CPT1C: variants seen among roughly 807,000 people sequenced by gnomAD.
CPT1C encodes palmitoyl thioesterase CPT1C.
Under a neutral mutation model 97.3 loss-of-function variants are expected in CPT1C, and 61 were observed. The ratio of observed to expected loss-of-function variants is 0.63; its 90% CI spans 0.51 to 0.78. The LOEUF is 0.78. CPT1C is among the 30% of genes least tolerant of loss of function. CPT1C has a pLI of 0.00. For synonymous variants in CPT1C, 469 were observed against 447.2 expected (o/e 1.05, Z -0.61); for missense variants, 975 against 1,065.5 (o/e 0.92, Z 1.18).
rs1245850764 is a variant in CPT1C at position 49,710,770 on chromosome 19, A to G, written c.1779A>G (p.Leu593=). ...CTTATGAGTCGGCCATGACTCGCTT[A>G]TTCCTGGAAGGCCGGACGGAGACGG... ...CLTYESAMTR[L]FLEGRTETVR... is the part of the protein sequence containing the mutation. The change falls in exon 16 of 20, where the codon TTA becomes TTG. Residue 593 remains leucine, a synonymous_variant. Transcript: ENST00000598293. 7 of 1,613,914 alleles carry G rather than the reference A, an allele frequency of 4.3e-6. 1 individual carries two copies. Among genetic ancestry groups the G allele is most frequent in the Middle Eastern group, 1.6e-4 (1 of 6,084 alleles).
intron 3 of CPT1C, among the ~76,000 whole-genome samples, chr19:49,695,547 A>G: frequency 6.9e-6 from 1 of 144,048 alleles, no homozygotes. Context: ...GGCCTCTCAG[A>G]GTGCTGGGAC....
At chr19:49,701,029 C>T (rs1298001466) in intron 5 of CPT1C, among the ~76,000 whole-genome samples, 174 bp downstream of exon 5, 1 of 133,688 alleles carries the variant, frequency 7.5e-6, no homozygotes, top group African/African-American at 2.9e-5. Flanking sequence ...GTCCCCCTCT[C>T]TCTGGGTCTC....
chr19:49,713,124 C>T lies in CPT1C; in HGVS notation c.2226+60C>T, dbSNP rs565973354. On this transcript the variant is annotated intron_variant, in intron 19 of 19. Coordinates refer to ENST00000598293, the MANE Select transcript of CPT1C (RefSeq NM_001199753.2). Reference sequence around the variant, plus strand: ...TTCCTCAGGAACCAGGAGTCTGGGCCCCCAGCCCCTCCTCCCTCAGACCCA... The same window carrying T: ...TTCCTCAGGAACCAGGAGTCTGGGCTCCCAGCCCCTCCTCCCTCAGACCCA... The T allele has an allele frequency of 7.7e-6, 11 of 1,426,892 alleles. No individual in the cohort carries two copies. The African/African-American group carries it at 1.1e-4, about 15-fold the overall frequency. 88.4% of individuals were successfully genotyped at this position (1,426,892 alleles called of 1,614,324 possible). A position where few individuals can be genotyped will look rare whatever the true frequency, so the allele number is the denominator to read the frequency against.
At chr19:49,713,309 C>G (rs1239122981) in intron 19 of CPT1C, 111 bp from the exon 20 acceptor site, 1 of 1,069,828 alleles carries the variant, frequency 9.3e-7, no homozygotes, top group Non-Finnish European at 1.4e-6. Context: ...AGTCCAGGCC[C>G]CAGCTCCTCC....
Position 49,700,930 on chromosome 19 carries a change from C to A in CPT1C, c.453+75C>A, listed in dbSNP as rs565950288. 1,065 of 1,499,094 alleles carry A rather than the reference C, an allele frequency of 7.1e-4. 10 individuals are homozygous for A. The highest frequency in any genetic ancestry group is 3.4e-4 in the Non-Finnish European group (370 of 1,089,546). The allele number at this position is 1,499,094 out of a possible 1,614,324, so 92.9% of individuals were successfully genotyped here. A position where few individuals can be genotyped will look rare whatever the true frequency, so the allele number is the denominator to read the frequency against. On this transcript the variant is annotated intron_variant, in intron 5 of 19. Transcript: ENST00000598293. ...TATTCCCCTCTCTCTGGGTCTCTGTCCCCCTCTCTCTGGGTCTCTGTCCCT... is the reference window on the plus strand; with the variant it reads ...TATTCCCCTCTCTCTGGGTCTCTGTACCCCTCTCTCTGGGTCTCTGTCCCT...
rs1017697862 is a variant in CPT1C at position 49,696,124 on chromosome 19, G to A, written c.142-1202G>A. On this transcript the variant is annotated intron_variant, in intron 3 of 19. Coordinates refer to ENST00000598293, the MANE Select transcript of CPT1C (RefSeq NM_001199753.2). ...ATGCCTGACCTCAGGTGATCCACCC[G>A]CCTAGGCCTCCCAAAGTGCTGGGAT... Among the ~76,000 whole-genome samples the A allele has an allele frequency of 5.9e-5, 9 of 152,108 alleles. No individual in the cohort carries two copies. In the South Asian group the frequency reaches 1.7e-3, roughly 28 times the overall value.
At chr19:49,710,980 G>C in intron 16 of CPT1C, 123 bp downstream of exon 16, 1 of 1,027,784 alleles carries the variant, frequency 9.7e-7, no homozygotes, top group East Asian at 2.6e-5. Flanking sequence ...GGGATGAATC[G>C]GACCTGGCCT....
rs2082444411 is a variant in CPT1C at position 49,693,087 on chromosome 19, C to T, written c.141+694C>T. 3.3e-5 allele frequency among the ~76,000 whole-genome samples: 5 copies of T among 152,150 alleles called. No individual in the cohort carries two copies. The South Asian group carries it at 1.0e-3, about 32-fold the overall frequency. On this transcript the variant is annotated intron_variant, in intron 3 of 19. Coordinates refer to ENST00000598293, the MANE Select transcript of CPT1C (RefSeq NM_001199753.2). ...ATTTTTAGTAGAGACGGGGTTTCAACATGTTGGCCAGGCTAATCTCGATCT... is the reference window on the plus strand; with the variant it reads ...ATTTTTAGTAGAGACGGGGTTTCAATATGTTGGCCAGGCTAATCTCGATCT...
chr19:49,698,268 G>C (rs778622351), intron 4 of CPT1C, among the ~76,000 whole-genome samples: 7 of 151,750 alleles, frequency 4.6e-5, no homozygotes, highest in Non-Finnish European at 1.0e-4. Context: ...CCAGGAGGCT[G>C]AGGTGGAGAT....
At chr19:49,702,026 T>TATATATTTATTTATAAATCATAA (rs1555779100) in intron 7 of CPT1C, among the ~76,000 whole-genome samples, 1 of 9,640 alleles carries the variant, frequency 1.0e-4, no homozygotes, top group East Asian at 1.6e-3. Flanking sequence ...ATTTATAAAT[T>TATATATTTATTTATAAATCATAA]ATAAATATAT....
At chr19:49,707,294 C>T (rs1195989798) in intron 12 of CPT1C, among the ~76,000 whole-genome samples, 1 of 151,934 alleles carries the variant, frequency 6.6e-6, no homozygotes, top group African/African-American at 2.4e-5. Flanking sequence ...TCAAAACAAA[C>T]AAACAAACAA....
Position 49,705,276 on chromosome 19 carries a change from G to T in CPT1C, c.942G>T (p.Thr314=). ...SAQYEKIFNT[T]RIPGVQKDYI... ...AGTACGAGAAGATCTTCAACACCACGCGGATTCCAGGGGTCCAAAAAGGTG... is the reference window on the plus strand; with the variant it reads ...AGTACGAGAAGATCTTCAACACCACTCGGATTCCAGGGGTCCAAAAAGGTG... The change falls in exon 10 of 20, where the codon ACG becomes ACT. Residue 314 remains threonine (T), a synonymous_variant. Coordinates refer to ENST00000598293, the MANE Select transcript of CPT1C (RefSeq NM_001199753.2). 1.2e-6 allele frequency: 2 copies of T among 1,603,494 alleles called. No homozygotes were observed. The highest frequency in any genetic ancestry group is 2.2e-5 in the South Asian group (2 of 90,666).
intron 3 of CPT1C, among the ~76,000 whole-genome samples, chr19:49,693,906 C>A (rs1340063932): frequency 1.3e-5 from 2 of 151,860 alleles, no homozygotes; most frequent in Admixed American, 6.6e-5. Flanking sequence ...AAAATACACA[C>A]ACACACAAAT....
rs2082971645 is a variant in CPT1C, at chr19:49,700,793, T to C, written c.391T>C (p.Ser131Pro). 2.5e-6 allele frequency: 4 copies of C among 1,613,354 alleles called. No homozygotes were observed. The highest frequency in any genetic ancestry group is 3.4e-6 in the Non-Finnish European group (4 of 1,180,022). Residue 131 changes from serine (S) to proline (P), a missense_variant, in exon 5 of 20, where the codon TCC (serine) becomes CCC (proline). By Grantham distance (74) the Ser-to-Pro change is moderately conservative. Coordinates refer to ENST00000598293, the MANE Select transcript of CPT1C (RefSeq NM_001199753.2). Reference protein sequence around the residue: ...TLHVALRLLLSYHGWLLEPHG... With the variant: ...TLHVALRLLLPYHGWLLEPHG... Reference sequence around the variant, plus strand: ...GCACGTGGCCCTGAGGCTGCTTCTGTCCTACCACGGCTGGCTTCTTGAGCC... The same window carrying C: ...GCACGTGGCCCTGAGGCTGCTTCTGCCCTACCACGGCTGGCTTCTTGAGCC...
chr19:49,709,874 G>T (rs1453931392), intron 14 of CPT1C, among the ~76,000 whole-genome samples: 1 of 143,130 alleles, frequency 7.0e-6, no homozygotes, highest in Admixed American at 7.1e-5. Flanking sequence ...TTGAGACGGA[G>T]TCTTGCTCTG....
chr19:49,702,026 T>TATATATTTATTTATAA lies in CPT1C; in HGVS notation c.693+395_693+396insTATTTATTTATAAATA, dbSNP rs1555779100. ...ATATTAAATATATTTATTTATAAAT[T>TATATATTTATTTATAA]ATAAATATATATTTATTTATAAATT... On this transcript the variant is annotated intron_variant, in intron 7 of 19. Transcript: ENST00000598293. 5.3e-3 allele frequency among the ~76,000 whole-genome samples: 51 copies of TATATATTTATTTATAA among 9,634 alleles called. 9 individuals are homozygous for TATATATTTATTTATAA. The highest frequency in any genetic ancestry group is 0.013 in the African/African-American group (38 of 2,884). 6.3% of individuals were successfully genotyped at this position (9,634 alleles called of 152,430 possible).
chr19:49,708,720 C>G lies in CPT1C; in HGVS notation c.1450-3C>G. ...GACTCTAACAGCCTCTGTTTGCCCACAGTTCACTCTGGCTACAGAATGCTT... is the reference window on the plus strand; with the variant it reads ...GACTCTAACAGCCTCTGTTTGCCCAGAGTTCACTCTGGCTACAGAATGCTT... On this transcript the variant is annotated splice_region_variant and splice_polypyrimidine_tract_variant and intron_variant, in intron 13 of 19. Coordinates refer to ENST00000598293, the MANE Select transcript of CPT1C (RefSeq NM_001199753.2). 6.2e-7 allele frequency: 1 copy of G among 1,609,926 alleles called. No homozygotes were observed. The highest frequency in any genetic ancestry group is 8.5e-7 in the Non-Finnish European group (1 of 1,176,220).
chr19:49,697,330 A>G lies in CPT1C; in HGVS notation c.146A>G (p.Asp49Gly), dbSNP rs762990997. The G allele has an allele frequency of 4.3e-6, 7 of 1,613,792 alleles. No homozygotes were observed. The Admixed American group carries it at 5.0e-5, about 12-fold the overall frequency. The change falls in exon 4 of 20, where the codon GAC (aspartate) becomes GGC (glycine). Residue 49 changes from aspartate (D) to glycine (G), a missense_variant. By Grantham distance (94) the Asp-to-Gly change is moderately conservative (BLOSUM62 -1). This residue lies in a region of CPT1C where 596 missense variants were observed against 603.1 expected (regional missense o/e 0.99). Coordinates refer to ENST00000598293, the MANE Select transcript of CPT1C (RefSeq NM_001199753.2). ...GATGCCCTTTCCTCCCCACAGAATGACTTTCTCACCGGTGTGTTTCCTGCC... is the reference window on the plus strand; with the variant it reads ...GATGCCCTTTCCTCCCCACAGAATGGCTTTCTCACCGGTGTGTTTCCTGCC... Reference protein sequence around the residue: ...WKRHLSRFWNDFLTGVFPASP... With the variant: ...WKRHLSRFWNGFLTGVFPASP...
At position 49,701,529 on chromosome 19, in the gene CPT1C, C is replaced by G; in HGVS notation, c.588C>G (p.Asp196Glu). The G allele has an allele frequency of 1.9e-6, 3 of 1,611,774 alleles. No individual in the cohort carries two copies. The highest frequency in any genetic ancestry group is 2.5e-6 in the Non-Finnish European group (3 of 1,178,638). The change falls in exon 7 of 20, where the codon GAC (aspartate) becomes GAG (glutamate). Residue 196 changes from aspartate (D) to glutamate (E), a missense_variant. Coordinates refer to ENST00000598293, the MANE Select transcript of CPT1C (RefSeq NM_001199753.2). ...AGTCGGTCCGGCCCATCCTCTCCGA[C>G]GAGGACTTCGACTGGACCGCGGTCC... ...YLESVRPILS[D>E]EDFDWTAVLA...
Sources: gnomAD v4.1 joint callset for allele counts (sites outside exome capture counted in the v4.1 genomes callset) on GRCh38, gnomAD v4.1.1 for gene constraint, gnomAD v4.1.1 regional missense constraint, MANE v1.5 for transcripts, NCBI Gene and HGNC (gene_info 2026-07-23, HGNC 2026-07-21) for gene names.